The following VPS8 variants were observed in gnomAD, a reference collection of about 807,000 sequenced individuals.
VPS8 encodes the protein vacuolar protein sorting-associated protein 8 homolog.
A neutral mutation model predicts 216.4 loss-of-function variants in VPS8; 129 were observed. That is an observed-to-expected ratio of 0.60 (90% CI 0.52 to 0.69). VPS8 has a LOEUF of 0.69. Among genes scored for constraint, VPS8 ranks in the 30% least tolerant of loss-of-function variants. The probability of loss-of-function intolerance (pLI) is 0.00; values close to 1 mark genes in which losing one functional copy is unlikely to be tolerated. For synonymous variants in VPS8, 571 were observed against 565.4 expected (o/e 1.01, Z -0.14); for missense variants, 1,531 against 1,683.5 (o/e 0.91, Z 1.59).
chr3:184,985,474 A>AT (rs1267815425), intron 42 of VPS8, among the ~76,000 whole-genome samples: 1 of 152,230 alleles, frequency 6.6e-6, no homozygotes, highest in Non-Finnish European at 1.5e-5. Context: ...AGAGACAAAA[A>AT]ATGTGCTGAT....
At chr3:184,976,568 C>T (rs1749301508) in intron 40 of VPS8, among the ~76,000 whole-genome samples, 1 of 151,980 alleles carries the variant, frequency 6.6e-6, no homozygotes, top group African/African-American at 2.4e-5. Context: ...ATCTGTCTCC[C>T]AGGTGGTAAG....
chr3:185,000,898 C>T (rs1753332130), intron 45 of VPS8, among the ~76,000 whole-genome samples: 1 of 152,192 alleles, frequency 6.6e-6, no homozygotes, highest in South Asian at 2.1e-4. Flanking sequence ...AGCCACCGCA[C>T]CCGGCCTCTC....
At chr3:184,950,669 A>G (rs554471948) in intron 36 of VPS8, among the ~76,000 whole-genome samples, 1 of 152,216 alleles carries the variant, frequency 6.6e-6, no homozygotes, top group East Asian at 1.9e-4. Flanking sequence ...TACATGTGCC[A>G]TGGTGGTTTG....
At chr3:184,897,186 AGAG>A (rs2108958584) in intron 23 of VPS8, among the ~76,000 whole-genome samples, 1 of 152,330 alleles carries the variant, frequency 6.6e-6, no homozygotes, top group Admixed American at 6.5e-5. Context: ...GGCCAAGTGC[AGAG>A]GAAGCAAAGA....
At chr3:184,852,620 A>G in intron 11 of VPS8, 53 bp downstream of exon 11, 2 of 1,542,062 alleles carry the variant, frequency 1.3e-6, no homozygotes, top group Non-Finnish European at 1.8e-6. Context: ...CTCTGTTTTA[A>G]TGATTTGAAA....
chr3:184,900,961 A>C lies in VPS8; in HGVS notation c.2135A>C (p.Lys712Thr), dbSNP rs779073791. The change falls in exon 25 of 48, where the codon AAA becomes ACA. Residue 712 changes from lysine (K) to threonine (T), a missense_variant. Around this residue, in one of 3 missense-constraint regions of VPS8, gnomAD observed 1,318 missense variants for 1,468.4 expected, o/e 0.90. Coordinates refer to ENST00000625842, the MANE Select transcript of VPS8 (RefSeq NM_001009921.3). The part of the protein sequence containing the change: ...RVIAPPLNAG[K>T]TLTDEQVVMG... ...ATTGCTCCTCCTCTGAATGCAGGAA[A>C]AACACTAACAGGTATTTATTTTCTA... 6.2e-7 allele frequency: 1 copy of C among 1,606,200 alleles called. No homozygotes were observed. Among genetic ancestry groups the C allele is most frequent in the East Asian group, 2.2e-5 (1 of 44,714 alleles).
At chr3:184,961,404 A>C (rs1295692904) in intron 37 of VPS8, among the ~76,000 whole-genome samples, 1 of 152,242 alleles carries the variant, frequency 6.6e-6, no homozygotes, top group African/African-American at 2.4e-5. Context: ...AAATATTTCA[A>C]ATTTACAGAA....
intron 46 of VPS8, among the ~76,000 whole-genome samples, chr3:185,027,617 C>T (rs763382506): frequency 2.2e-4 from 34 of 152,278 alleles, no homozygotes; most frequent in African/African-American, 7.2e-4. Context: ...ACACTGTTAT[C>T]AGAGTGAGAG....
chr3:184,838,314 T>G lies in VPS8; in HGVS notation c.448-400T>G, dbSNP rs556648623. Among the ~76,000 whole-genome samples the G allele has an allele frequency of 5.9e-5, 9 of 152,330 alleles. No individual in the cohort carries two copies. The South Asian group carries it at 1.5e-3, about 25-fold the overall frequency. On this transcript the variant is annotated intron_variant, in intron 5 of 47. Coordinates refer to ENST00000625842, the MANE Select transcript of VPS8 (RefSeq NM_001009921.3). Reference sequence around the variant, plus strand: ...TAATTGGTAGATAGGAAAGTCCTACTTAGTAGTAGAAACATCTTTAACATG... The same window carrying G: ...TAATTGGTAGATAGGAAAGTCCTACGTAGTAGTAGAAACATCTTTAACATG...
At chr3:184,956,370 A>G (rs933620591) in intron 36 of VPS8, among the ~76,000 whole-genome samples, 18 of 152,240 alleles carry the variant, frequency 1.2e-4, no homozygotes, top group African/African-American at 3.9e-4. Flanking sequence ...ACAGTGGACC[A>G]AACAAATATC....
intron 14 of VPS8, among the ~76,000 whole-genome samples, chr3:184,856,468 G>T (rs940909774): frequency 2.0e-5 from 3 of 152,180 alleles, no homozygotes; most frequent in African/African-American, 7.2e-5. Context: ...AGGCAAGAAT[G>T]TGCCTTTGTA....
intron 21 of VPS8, among the ~76,000 whole-genome samples, chr3:184,877,728 C>G (rs1729534044): frequency 6.6e-6 from 1 of 152,192 alleles, no homozygotes; most frequent in African/African-American, 2.4e-5. Flanking sequence ...TACTATGTTT[C>G]ATCCCACAGT....
intron 10 of VPS8, among the ~76,000 whole-genome samples, chr3:184,851,892 ACTGT>A (rs1724343603): frequency 6.6e-6 from 1 of 152,166 alleles, no homozygotes; most frequent in Non-Finnish European, 1.5e-5. Flanking sequence ...TCACCTTAGG[ACTGT>A]CTGTCATTGT....
intron 47 of VPS8, among the ~76,000 whole-genome samples, chr3:185,049,815 C>G (rs187696055): frequency 1.5e-3 from 224 of 152,282 alleles, no homozygotes; most frequent in Non-Finnish European, 2.8e-3. Flanking sequence ...TAGGCAGAAC[C>G]TACTAGGTTA....
intron 36 of VPS8, among the ~76,000 whole-genome samples, chr3:184,950,116 C>G (rs1012577932): frequency 6.6e-6 from 1 of 150,842 alleles, no homozygotes; most frequent in Non-Finnish European, 1.5e-5. Flanking sequence ...CCATGTTGCC[C>G]AGGCTGGTTT....
chr3:184,842,615 A>C (rs1722397074), intron 7 of VPS8, among the ~76,000 whole-genome samples: 2 of 152,206 alleles, frequency 1.3e-5, no homozygotes. Context: ...GCAGAGTAAT[A>C]ATACTATAAA....
rs1225561899 is a variant in VPS8, at chr3:184,838,738, A to G, written c.472A>G (p.Thr158Ala). 1 of 1,543,402 alleles carries G rather than the reference A, an allele frequency of 6.5e-7. No homozygotes were observed. The highest frequency in any genetic ancestry group is 2.4e-5 in the East Asian group (1 of 41,482). The change falls in exon 6 of 48, where the codon ACA becomes GCA. Residue 158 changes from threonine to alanine, a missense_variant. By Grantham distance (58) the Thr-to-Ala change is moderately conservative. This residue lies in a region of VPS8 where 199 missense variants were observed against 182.2 expected (regional missense o/e 1.09). Coordinates refer to ENST00000625842, the MANE Select transcript of VPS8 (RefSeq NM_001009921.3). The stretch of plus-strand genomic sequence containing the variant: ...GGACAAAGTAGATGCTGGCTTGCCT[A>G]CAGCAATTGTAAGTATACTTTAACT... ...AADKVDAGLP[T>A]AIAVSSLIAV... is the part of the protein sequence containing the mutation.
intron 3 of VPS8, among the ~76,000 whole-genome samples, chr3:184,831,631 T>C (rs1720006564): frequency 6.6e-6 from 1 of 152,204 alleles, no homozygotes. Flanking sequence ...ACCTTTTACC[T>C]GGTTGTAGAA....
intron 31 of VPS8, among the ~76,000 whole-genome samples, chr3:184,927,053 A>G (rs1299310596): frequency 1.3e-5 from 2 of 152,210 alleles, no homozygotes; most frequent in African/African-American, 4.8e-5. Context: ...AGAGTGCCCT[A>G]AAACCCCACT....
Sources: gnomAD v4.1 joint callset for allele counts (sites outside exome capture counted in the v4.1 genomes callset) on GRCh38, gnomAD v4.1.1 for gene constraint, gnomAD v4.1.1 regional missense constraint, MANE v1.5 for transcripts, NCBI Gene and HGNC (gene_info 2026-07-23, HGNC 2026-07-21) for gene names.